Variants in DTWD2 observed in about 807,000 individuals in gnomAD.
The protein encoded by DTWD2 is tRNA-uridine aminocarboxypropyltransferase 2.
DTWD2 carries 39 observed loss-of-function variants against 31.8 expected under a neutral mutation model. The observed-to-expected ratio is 1.22, with a 90% confidence interval of 0.95 to 1.60. The LOEUF is 1.60. Ranked by LOEUF, DTWD2 falls within the 40% of genes most tolerant of loss-of-function variation. DTWD2 has a pLI of 0.00. For synonymous variants in DTWD2, 180 were observed against 142.8 expected (o/e 1.26, Z -1.86); for missense variants, 515 against 381.5 (o/e 1.35, Z -2.92).
chr5:118,974,656 T>C (rs776708025), intron 1 of DTWD2: 4 of 507,184 alleles, frequency 7.9e-6, no homozygotes, highest in Admixed American at 2.3e-5. Context: ...TTGGTTTGTA[T>C]GAGATGGTTA....
chr5:118,858,488 A>G (rs895207629), intron 4 of DTWD2, among the ~76,000 whole-genome samples: 1 of 152,190 alleles, frequency 6.6e-6, no homozygotes, highest in Non-Finnish European at 1.5e-5. Context: ...TGTGAGTTAG[A>G]GGTTCTTCAC....
At chr5:118,868,229 G>A (rs1413172000) in intron 4 of DTWD2, among the ~76,000 whole-genome samples, 2 of 151,444 alleles carry the variant, frequency 1.3e-5, no homozygotes, top group African/African-American at 4.9e-5. Context: ...AATGTTGTTG[G>A]GCCCTTAGCT....
intron 1 of DTWD2, among the ~76,000 whole-genome samples, chr5:118,945,221 T>G (rs1379870531): frequency 6.6e-6 from 1 of 152,176 alleles, no homozygotes; most frequent in Non-Finnish European, 1.5e-5. Context: ...TAACTTACCT[T>G]TTCTTACTGC....
chr5:118,910,313 A>G (rs1174671805), intron 4 of DTWD2, among the ~76,000 whole-genome samples: 1 of 152,220 alleles, frequency 6.6e-6, no homozygotes, highest in Non-Finnish European at 1.5e-5. Flanking sequence ...ACTGCTCAGT[A>G]GTACTGCCTT....
chr5:118,911,593 T>G (rs1753459322), intron 4 of DTWD2, among the ~76,000 whole-genome samples: 1 of 152,022 alleles, frequency 6.6e-6, no homozygotes, highest in Non-Finnish European at 1.5e-5. Context: ...AGCCAAGTAA[T>G]GGAAACAACC....
intron 2 of DTWD2, among the ~76,000 whole-genome samples, chr5:118,943,550 C>CAA (rs1270693139): frequency 3.9e-4 from 25 of 63,928 alleles, no homozygotes; most frequent in African/African-American, 9.5e-4. Flanking sequence ...GACTCCGTCT[C>CAA]AAAAAAAAAA....
At chr5:118,983,566 A>G (rs374866158) in intron 1 of DTWD2, among the ~76,000 whole-genome samples, 4 of 152,014 alleles carry the variant, frequency 2.6e-5, no homozygotes, top group African/African-American at 9.7e-5. Flanking sequence ...CCTCCAGAAT[A>G]TCCAAGCCTA....
At chr5:118,974,023 T>TG (rs1431011512) in intron 1 of DTWD2, 26 of 1,603,250 alleles carry the variant, frequency 1.6e-5, no homozygotes, top group East Asian at 1.3e-4. Context: ...AGGATGGAGA[T>TG]GAAGATGAGG....
At chr5:118,864,641 ATT>A (rs148477762) in intron 4 of DTWD2, among the ~76,000 whole-genome samples, 10 of 145,520 alleles carry the variant, frequency 6.9e-5, no homozygotes, top group African/African-American at 2.5e-4. Context: ...ATTTTATTTT[ATT>A]TTTTTTTTAT....
At chr5:118,868,529 T>G (rs780940497) in intron 4 of DTWD2, among the ~76,000 whole-genome samples, 3 of 151,998 alleles carry the variant, frequency 2.0e-5, no homozygotes, top group Non-Finnish European at 4.4e-5. Flanking sequence ...GAGGTTAATA[T>G]CCAGAACATA....
chr5:118,918,839 AAAAAG>A (rs966444143), intron 4 of DTWD2, among the ~76,000 whole-genome samples: 5 of 152,010 alleles, frequency 3.3e-5, no homozygotes, highest in Non-Finnish European at 7.4e-5. Context: ...AAAAAAAAAA[AAAAAG>A]AAAAGGAATG....
intron 4 of DTWD2, among the ~76,000 whole-genome samples, chr5:118,872,609 G>T (rs1198869380): frequency 2.6e-5 from 4 of 152,136 alleles, no homozygotes; most frequent in Non-Finnish European, 2.9e-5. Context: ...TTCTTCTATA[G>T]GTGAGGTTTG....
intron 1 of DTWD2, among the ~76,000 whole-genome samples, chr5:118,969,197 C>T (rs1032265803): frequency 1.4e-5 from 2 of 143,730 alleles, no homozygotes; most frequent in South Asian, 2.4e-4. Context: ...AGGGGAGGGG[C>T]GGGGGGGAAG....
At chr5:118,851,527 G>A (rs573391232) in intron 4 of DTWD2, among the ~76,000 whole-genome samples, 5 of 152,198 alleles carry the variant, frequency 3.3e-5, no homozygotes, top group Middle Eastern at 3.4e-3. Context: ...AAGATCACAT[G>A]CTTCTGAGGA....
chr5:118,907,113 C>A (rs934931030), intron 4 of DTWD2, among the ~76,000 whole-genome samples: 1 of 152,140 alleles, frequency 6.6e-6, no homozygotes, highest in African/African-American at 2.4e-5. Context: ...AGAAACTATG[C>A]TTAAAGGTAC....
Position 118,840,880 on chromosome 5 carries a change from T to G in DTWD2, c.*37A>C. 1 of 1,595,626 alleles carries G rather than the reference T, an allele frequency of 6.3e-7. No individual in the cohort carries two copies. The highest frequency in any genetic ancestry group is 2.3e-5 in the East Asian group (1 of 44,276). On this transcript the variant is annotated 3_prime_UTR_variant, in exon 6 of 6. Transcript: ENST00000510708. The stretch of plus-strand genomic sequence containing the variant: ...GAAAACTTAATTTGGTATTGTTAGA[T>G]GAAGACAGTTAAGCTAGCACCAAAA...
At chr5:118,972,528 C>G (rs939475441) in intron 1 of DTWD2, among the ~76,000 whole-genome samples, 20 of 152,168 alleles carry the variant, frequency 1.3e-4, no homozygotes, top group African/African-American at 4.8e-4. Flanking sequence ...GAATTTACAG[C>G]TGAATTCTAC....
chr5:118,888,156 T>C (rs1448003212), intron 4 of DTWD2, among the ~76,000 whole-genome samples: 1 of 152,236 alleles, frequency 6.6e-6, no homozygotes, highest in Non-Finnish European at 1.5e-5. Flanking sequence ...ATTTGACATA[T>C]GTATATACCT....
chr5:118,843,371 G>GAGGAAGGGAGGGAGGAAGGA (rs754423234), intron 5 of DTWD2, among the ~76,000 whole-genome samples: 1 of 143,638 alleles, frequency 7.0e-6, no homozygotes, highest in African/African-American at 2.7e-5. Context: ...GGGAGGAAGG[G>GAGGAAGGGAGGGAGGAAGGA]AGGAAGGAAG....
Sources: allele counts gnomAD v4.1 joint callset (sites outside exome capture counted in the v4.1 genomes callset), GRCh38; gene constraint gnomAD v4.1.1; transcripts MANE v1.5; gene names NCBI Gene and HGNC (gene_info 2026-07-23, HGNC 2026-07-21).